The following SH3KBP1 variants were observed in gnomAD, a reference collection of about 807,000 sequenced individuals.
SH3KBP1 encodes SH3 domain-containing kinase-binding protein 1.
SH3KBP1 carries 8 observed loss-of-function variants against 50.1 expected under a neutral mutation model. The ratio of observed to expected loss-of-function variants is 0.16; its 90% confidence interval spans 0.09 to 0.29. SH3KBP1 has a LOEUF of 0.29. Among genes scored for constraint, SH3KBP1 ranks in the 10% least tolerant of loss-of-function variants. SH3KBP1 has a pLI of 1.00. For synonymous variants in SH3KBP1, 227 were observed against 218.6 expected (o/e 1.04, Z -0.34); for missense variants, 377 against 535.2 (o/e 0.70, Z 2.92).
At chrX:19,758,327 C>CAAA (rs60332447) in intron 2 of SH3KBP1, among the ~76,000 whole-genome samples, 5,195 of 37,399 alleles carry the variant, frequency 0.14, 515 homozygotes, top group Non-Finnish European at 0.2. Context: ...GACTTCGTTT[C>CAAA]AAAAAAAAAA....
At chrX:19,717,185 A>C (rs1386341409) in intron 3 of SH3KBP1, among the ~76,000 whole-genome samples, 1 of 111,751 alleles carries the variant, frequency 8.9e-6, no homozygotes, top group East Asian at 2.8e-4. Flanking sequence ...CATACGCCAA[A>C]CAATTGTCAG....
In SH3KBP1 at chrX:19,534,120, T is replaced by C. The variant is rs1008463764; in HGVS notation, c.*2297A>G. 1 of 110,938 alleles carries C rather than the reference T, an allele frequency of 9.0e-6. No homozygotes were observed. Among genetic ancestry groups the C allele is most frequent in the African/African-American group, 3.3e-5 (1 of 30,511 alleles). The allele number at this position is 110,938 out of a possible 1,213,427, so 9.1% of individuals were successfully genotyped here. A position where few individuals can be genotyped will look rare whatever the true frequency, so the allele number is the denominator to read the frequency against. On this transcript the variant is annotated 3_prime_UTR_variant, in exon 18 of 18. Coordinates refer to ENST00000397821, the MANE Select transcript of SH3KBP1 (RefSeq NM_031892.3). ...CATGCTGAATGCAAAATAATTTTTTTTTTTTTCAAAAGTGATACTTCCAAG... is the reference window on the plus strand; with the variant it reads ...CATGCTGAATGCAAAATAATTTTTTCTTTTTTCAAAAGTGATACTTCCAAG...
At chrX:19,777,908 C>T (rs992504479) in intron 2 of SH3KBP1, among the ~76,000 whole-genome samples, 10 of 111,168 alleles carry the variant, frequency 9.0e-5, no homozygotes, top group African/African-American at 3.0e-4. Flanking sequence ...GAGGTTCTAA[C>T]GTATGCTCTG....
chrX:19,828,661 G>C (rs2067767102), intron 2 of SH3KBP1, among the ~76,000 whole-genome samples: 1 of 111,214 alleles, frequency 9.0e-6, no homozygotes, highest in East Asian at 2.8e-4. Context: ...GCATATACCT[G>C]TGGTCCTAGC....
chrX:19,844,238 T>C (rs1363213459), intron 1 of SH3KBP1, among the ~76,000 whole-genome samples: 1 of 111,152 alleles, frequency 9.0e-6, no homozygotes, highest in African/African-American at 3.3e-5. Flanking sequence ...GAATGGGAGC[T>C]CTTAAAGGGC....
At chrX:19,816,197 T>C (rs1373501016) in intron 2 of SH3KBP1, among the ~76,000 whole-genome samples, 1 of 112,637 alleles carries the variant, frequency 8.9e-6, no homozygotes, top group African/African-American at 3.2e-5. Flanking sequence ...GCCATCCTAA[T>C]GGCCATTCTA....
rs1164777144 is a variant in SH3KBP1 at position 19,536,370 on chromosome X, A to T, written c.*47T>A. On this transcript the variant is annotated 3_prime_UTR_variant, in exon 18 of 18. Transcript: ENST00000397821. ...TATTTTGGCTGGGGCAGAAAATTTGAGTCTCGGACTCAGGATGAATAATGT... is the reference window on the plus strand; with the variant it reads ...TATTTTGGCTGGGGCAGAAAATTTGTGTCTCGGACTCAGGATGAATAATGT... 1.2e-5 allele frequency: 11 copies of T among 897,521 alleles called. No homozygotes were observed. Among genetic ancestry groups the T allele is most frequent in the East Asian group, 9.8e-5 (3 of 30,627 alleles). The allele number at this position is 897,521 out of a possible 1,213,427, so 74.0% of individuals were successfully genotyped here. A position where few individuals can be genotyped will look rare whatever the true frequency, so the allele number is the denominator to read the frequency against.
intron 16 of SH3KBP1, among the ~76,000 whole-genome samples, chrX:19,540,838 G>T (rs1464020935): frequency 9.0e-6 from 1 of 111,709 alleles, no homozygotes; most frequent in Non-Finnish European, 1.9e-5. Context: ...TCTTTGAGAT[G>T]CCTCCCTTGA....
chrX:19,857,350 A>G (rs1458451016), intron 1 of SH3KBP1, among the ~76,000 whole-genome samples: 1 of 110,736 alleles, frequency 9.0e-6, no homozygotes, highest in Non-Finnish European at 1.9e-5. Context: ...CACTAGTTAG[A>G]CAGCAAACAT....
chrX:19,780,705 T>C (rs2066152236), intron 2 of SH3KBP1, among the ~76,000 whole-genome samples: 2 of 107,427 alleles, frequency 1.9e-5, no homozygotes, highest in African/African-American at 3.4e-5. Context: ...TAGGGAATCC[T>C]TTCCCCATTG....
chrX:19,806,628 C>T (rs1302808459), intron 2 of SH3KBP1, among the ~76,000 whole-genome samples: 1 of 111,322 alleles, frequency 9.0e-6, no homozygotes, highest in Non-Finnish European at 1.9e-5. Flanking sequence ...ATTGCCCTCA[C>T]GGTATTAATA....
chrX:19,645,446 T>C lies in SH3KBP1; in HGVS notation c.756A>G (p.Thr252=). Residue 252 remains threonine (T), a synonymous_variant, in exon 7 of 18, where the codon ACA becomes ACG. Coordinates refer to ENST00000397821, the MANE Select transcript of SH3KBP1 (RefSeq NM_031892.3). ...CTGTTTTTGATGAGTCTGGAGTTGC[T>C]GTAGTTGCAGGTAACTTCTTCCCAA... ...KTIGKKLPAT[T]ATPDSSKTEM... 8.3e-7 allele frequency: 1 copy of C among 1,205,616 alleles called. No individual in the cohort carries two copies. The highest frequency in any genetic ancestry group is 1.8e-5 in the South Asian group (1 of 56,755).
chrX:19,823,093 T>C (rs992203007), intron 2 of SH3KBP1, among the ~76,000 whole-genome samples: 13 of 111,465 alleles, frequency 1.2e-4, no homozygotes, highest in African/African-American at 4.2e-4. Flanking sequence ...TCCAAGATTT[T>C]CCCCATTCTC....
At chrX:19,579,536 T>C (rs957221968) in intron 12 of SH3KBP1, among the ~76,000 whole-genome samples, 3 of 111,802 alleles carry the variant, frequency 2.7e-5, no homozygotes, top group Non-Finnish European at 5.6e-5. Flanking sequence ...GTACAAAGCA[T>C]GCGTGAGGTG....
intron 2 of SH3KBP1, among the ~76,000 whole-genome samples, chrX:19,753,848 G>C (rs927562012): frequency 1.8e-5 from 2 of 111,979 alleles, no homozygotes; most frequent in East Asian, 5.6e-4. Context: ...AAGGGTGATG[G>C]GCACATAGGT....
intron 9 of SH3KBP1, among the ~76,000 whole-genome samples, chrX:19,599,459 G>C (rs1195441209): frequency 8.9e-6 from 1 of 112,084 alleles, no homozygotes; most frequent in African/African-American, 3.2e-5. Context: ...ATGTGGCAAA[G>C]GACAGAGACA....
chrX:19,619,915 T>C (rs1716490250), intron 8 of SH3KBP1, among the ~76,000 whole-genome samples: 1 of 112,705 alleles, frequency 8.9e-6, no homozygotes, highest in African/African-American at 3.2e-5. Flanking sequence ...GTCATTTACA[T>C]TGAGATGACC....
chrX:19,731,285 T>C (rs905965848), intron 3 of SH3KBP1, among the ~76,000 whole-genome samples: 15 of 112,665 alleles, frequency 1.3e-4, no homozygotes, highest in Admixed American at 1.3e-3. Flanking sequence ...AAATCAAATA[T>C]AGATTAAAAT....
At chrX:19,592,634 C>T (rs2148003851) in intron 10 of SH3KBP1, among the ~76,000 whole-genome samples, 1 of 112,126 alleles carries the variant, frequency 8.9e-6, no homozygotes, top group East Asian at 2.8e-4. Context: ...TCTACATCCC[C>T]TTGCCAGGAA....
Sources: allele counts gnomAD v4.1 joint callset (sites outside exome capture counted in the v4.1 genomes callset), GRCh38; gene constraint gnomAD v4.1.1; transcripts MANE v1.5; gene names NCBI Gene and HGNC (gene_info 2026-07-23, HGNC 2026-07-21).